The following PTK2B variants were observed in gnomAD, a reference collection of about 807,000 sequenced individuals.
The protein encoded by PTK2B is protein tyrosine kinase 2 beta.
A neutral mutation model predicts 142.9 loss-of-function variants in PTK2B; 71 were observed. The observed-to-expected ratio is 0.50, with a 90% CI of 0.41 to 0.61. The LOEUF (loss-of-function observed/expected upper bound fraction) is 0.61. Ranked by LOEUF, PTK2B falls within the 20% of genes least tolerant of loss-of-function variation. The pLI is 0.00. For synonymous variants in PTK2B, 519 were observed against 503.4 expected (o/e 1.03, Z -0.42); for missense variants, 1,105 against 1,320.4 (o/e 0.84, Z 2.53).
intron 1 of PTK2B, 193 bp from the exon 2 acceptor site, chr8:27,397,355 C>CTGCAACTT (rs1808114489): frequency 1.8e-6 from 1 of 560,396 alleles, no homozygotes; most frequent in Admixed American, 3.1e-5. Context: ...CTGGATGCTT[C>CTGCAACTT]TGCAACTTGC....
intron 1 of PTK2B, among the ~76,000 whole-genome samples, chr8:27,327,228 G>A: frequency 6.6e-6 from 1 of 152,034 alleles, no homozygotes; most frequent in Admixed American, 6.5e-5. Flanking sequence ...GAAGCTGCAG[G>A]GGTGAGTGGA....
At chr8:27,452,996 A>C (rs1811912277) in intron 27 of PTK2B, 118 bp from the exon 28 acceptor site, 1 of 1,241,766 alleles carries the variant, frequency 8.1e-7, no homozygotes, top group Non-Finnish European at 1.2e-6. Flanking sequence ...ATTCAGAGTT[A>C]ATTTCCCTGA....
At chr8:27,383,138 C>T (rs905480081) in intron 1 of PTK2B, among the ~76,000 whole-genome samples, 2 of 152,072 alleles carry the variant, frequency 1.3e-5, no homozygotes, top group Admixed American at 1.3e-4. Context: ...ATTCGTAGAG[C>T]GCTTTAGGTA....
At chr8:27,370,322 G>A (rs193064484) in intron 1 of PTK2B, among the ~76,000 whole-genome samples, 39 of 152,306 alleles carry the variant, frequency 2.6e-4, no homozygotes, top group Admixed American at 1.6e-3. Context: ...GATGCTTTCC[G>A]GATACCAGAG....
chr8:27,444,570 C>T (rs1811348522), intron 23 of PTK2B, among the ~76,000 whole-genome samples: 1 of 152,212 alleles, frequency 6.6e-6, no homozygotes, highest in African/African-American at 2.4e-5. Flanking sequence ...TCCCTGGCCT[C>T]CTTACCAGAA....
chr8:27,454,101 T>C, intron 28 of PTK2B, 53 bp from the exon 29 acceptor site: 1 of 1,609,112 alleles, frequency 6.2e-7, no homozygotes, highest in Non-Finnish European at 8.5e-7. Context: ...GAAAGAATCA[T>C]TCCGTGCCCC....
intron 24 of PTK2B, among the ~76,000 whole-genome samples, chr8:27,448,332 A>G (rs964818015): frequency 6.6e-5 from 10 of 152,252 alleles, no homozygotes; most frequent in Non-Finnish European, 4.4e-5. Flanking sequence ...TTAAAACACC[A>G]TGAGTACCCA....
At chr8:27,400,914 A>C (rs1245998074) in intron 2 of PTK2B, among the ~76,000 whole-genome samples, 2 of 152,192 alleles carry the variant, frequency 1.3e-5, no homozygotes, top group African/African-American at 4.8e-5. Context: ...GAACAGAAGA[A>C]AAACAGATCC....
At chr8:27,327,679 C>A (rs924630518) in intron 1 of PTK2B, among the ~76,000 whole-genome samples, 10 of 152,112 alleles carry the variant, frequency 6.6e-5, no homozygotes, top group African/African-American at 2.2e-4. Flanking sequence ...AAATCAATTC[C>A]TTGGTCAGTT....
intron 1 of PTK2B, among the ~76,000 whole-genome samples, chr8:27,326,256 G>C (rs1803412806): frequency 1.4e-5 from 2 of 140,158 alleles, no homozygotes; most frequent in African/African-American, 5.5e-5. Flanking sequence ...GTGTGTGTGT[G>C]TGTGTAGTTA....
intron 2 of PTK2B, among the ~76,000 whole-genome samples, chr8:27,404,240 A>G (rs1808566799): frequency 6.6e-6 from 1 of 151,634 alleles, no homozygotes; most frequent in South Asian, 2.1e-4. Flanking sequence ...CAGTTGACCC[A>G]CTCTTTTCAT....
chr8:27,431,752 T>C (rs1226138391), intron 9 of PTK2B, among the ~76,000 whole-genome samples: 1 of 152,216 alleles, frequency 6.6e-6, no homozygotes, highest in Non-Finnish European at 1.5e-5. Flanking sequence ...GCAGTGTTGC[T>C]CTTTCAGTGA....
Position 27,351,342 on chromosome 8 carries a change from T to A in PTK2B, c.-38+25661T>A, listed in dbSNP as rs1805078856. Among the ~76,000 whole-genome samples the A allele has an allele frequency of 2.0e-5, 3 of 152,018 alleles. No homozygotes were observed. In the South Asian group the frequency reaches 6.2e-4, roughly 32 times the overall value. On this transcript the variant is annotated intron_variant, in intron 1 of 30. Transcript: ENST00000346049. ...TGTAATAATCACCTGGTCCAATCCC[T>A]TTAATCACGGGTGAGAAAATGGTCT...
rs76137318 is a variant in PTK2B at position 27,451,364 on chromosome 8, C to T, written c.2524-121C>T. ...CACGAGCTGCTCCCAGAAGCACCCCCGACCCCATGGCTGTAATCTCTAAAC... is the reference window on the plus strand; with the variant it reads ...CACGAGCTGCTCCCAGAAGCACCCCTGACCCCATGGCTGTAATCTCTAAAC... On this transcript the variant is annotated intron_variant, in intron 26 of 30. Transcript: ENST00000346049. 5.4e-6 allele frequency: 8 copies of T among 1,491,722 alleles called. No homozygotes were observed. The African/African-American group carries it at 5.5e-5, about 10-fold the overall frequency. 92.4% of individuals were successfully genotyped at this position (1,491,722 alleles called of 1,614,324 possible).
chr8:27,453,014 T>C, intron 27 of PTK2B, 100 bp from the exon 28 acceptor site: 1 of 1,393,224 alleles, frequency 7.2e-7, no homozygotes, highest in East Asian at 2.3e-5. Context: ...TGAAGTCTCC[T>C]GGTGGTAGAG....
At chr8:27,422,180 T>G in intron 4 of PTK2B, 124 bp from the exon 5 acceptor site, 7 of 845,638 alleles carry the variant, frequency 8.3e-6, no homozygotes, top group Non-Finnish European at 1.3e-5. Context: ...CCATGCTTGT[T>G]TGTGGTGGGG....
chr8:27,385,686 A>C (rs1807305020), intron 1 of PTK2B, among the ~76,000 whole-genome samples: 2 of 152,186 alleles, frequency 1.3e-5, no homozygotes, highest in African/African-American at 4.8e-5. Flanking sequence ...TGAGGCCAGG[A>C]GTTCAAGACC....
chr8:27,311,551 G>T (rs973990480), exon 1 of PTK2B: 7 of 414,822 alleles, frequency 1.7e-5, no homozygotes, highest in Non-Finnish European at 2.6e-5. Context: ...CCCAGGCGGC[G>T]TAGTAGGGCT....
chr8:27,328,461 GA>G (rs1050441382), intron 1 of PTK2B, among the ~76,000 whole-genome samples: 1 of 152,192 alleles, frequency 6.6e-6, no homozygotes, highest in African/African-American at 2.4e-5. Flanking sequence ...AGAGGAAATG[GA>G]AAGTGTGTTT....
Sources: gnomAD v4.1 joint callset for allele counts (sites outside exome capture counted in the v4.1 genomes callset) on GRCh38, gnomAD v4.1.1 for gene constraint, MANE v1.5 for transcripts, NCBI Gene and HGNC (gene_info 2026-07-23, HGNC 2026-07-21) for gene names.